PRKCB: variants seen among roughly 807,000 people sequenced by gnomAD.
The protein encoded by PRKCB is protein kinase C beta type.
PRKCB carries 13 observed loss-of-function variants against 81.5 expected under a neutral mutation model. The ratio of observed to expected loss-of-function variants is 0.16; its 90% CI spans 0.10 to 0.25. The LOEUF is 0.25. PRKCB is among the 10% of genes least tolerant of loss of function. The pLI, the probability that PRKCB is intolerant of heterozygous loss-of-function variation, is 1.00. For missense variants in PRKCB, 509 were observed against 875.7 expected (o/e 0.58, Z 5.29); for synonymous variants, 335 against 321.4 (o/e 1.04, Z -0.45).
intron 16 of PRKCB, among the ~76,000 whole-genome samples, chr16:24,203,487 C>T (rs1347903344): frequency 6.6e-6 from 1 of 152,116 alleles, no homozygotes; most frequent in Non-Finnish European, 1.5e-5. Flanking sequence ...GTTCCCACCT[C>T]TCAACACTGT....
At chr16:24,064,044 A>C (rs1309711640) in intron 5 of PRKCB, among the ~76,000 whole-genome samples, 1 of 152,106 alleles carries the variant, frequency 6.6e-6, no homozygotes, top group Non-Finnish European at 1.5e-5. Flanking sequence ...CTCCCAGTCC[A>C]TTTGTTTCTA....
chr16:24,211,779 C>T (rs760932058), intron 16 of PRKCB, among the ~76,000 whole-genome samples: 15 of 151,984 alleles, frequency 9.9e-5, no homozygotes, highest in Non-Finnish European at 2.9e-5. Context: ...AGGCTGGTCT[C>T]GAACTCTTGA....
At chr16:24,115,877 C>A (rs1352667071) in intron 8 of PRKCB, among the ~76,000 whole-genome samples, 1 of 152,112 alleles carries the variant, frequency 6.6e-6, no homozygotes, top group Non-Finnish European at 1.5e-5. Context: ...AGGTGCCCAC[C>A]ACCACGCCTG....
chr16:24,220,028 C>A lies in PRKCB; in HGVS notation c.*5212C>A. 2 of 1,614,204 alleles carry A rather than the reference C, an allele frequency of 1.2e-6. No individual in the cohort carries two copies. Among genetic ancestry groups the A allele is most frequent in the Non-Finnish European group, 1.7e-6 (2 of 1,180,020 alleles). ...AGACAGCCTGTGGAACTGACCCCCA[C>A]TGATAAACTCTTCATCATGAACTTG... is the stretch of plus-strand genomic sequence containing the variant. On this transcript the variant is annotated 3_prime_UTR_variant, in exon 17 of 17. Transcript: ENST00000643927.
At chr16:23,891,040 G>GTATATA (rs60980013) in intron 2 of PRKCB, among the ~76,000 whole-genome samples, 11 of 145,676 alleles carry the variant, frequency 7.6e-5, no homozygotes, top group African/African-American at 2.8e-4. Flanking sequence ...TAATGTGTGT[G>GTATATA]TATATATATA....
At chr16:24,053,767 G>T (rs949763822) in intron 5 of PRKCB, among the ~76,000 whole-genome samples, 3 of 152,134 alleles carry the variant, frequency 2.0e-5, no homozygotes, top group Non-Finnish European at 4.4e-5. Flanking sequence ...TGTGGCATGA[G>T]CATGTTCGGT....
chr16:24,219,477 G>A lies in PRKCB; in HGVS notation c.*4661G>A, dbSNP rs1334713106. ...CTCCACATGGCCATTCTGCCTTCTT[G>A]GGGGCAGAGTAGATGGGCAGCAGTT... On this transcript the variant is annotated 3_prime_UTR_variant, in exon 17 of 17. Coordinates refer to ENST00000643927, the MANE Select transcript of PRKCB (RefSeq NM_002738.7). 12 of 986,594 alleles carry A rather than the reference G, an allele frequency of 1.2e-5. No individual in the cohort carries two copies. Among genetic ancestry groups the A allele is most frequent in the African/African-American group, 1.7e-5 (1 of 57,290 alleles). 61.1% of individuals were successfully genotyped at this position (986,594 alleles called of 1,614,324 possible). A position where few individuals can be genotyped will look rare whatever the true frequency, so the allele number is the denominator to read the frequency against.
intron 9 of PRKCB, among the ~76,000 whole-genome samples, chr16:24,148,363 T>C (rs548545873): frequency 6.6e-6 from 1 of 152,284 alleles, no homozygotes; most frequent in East Asian, 1.9e-4. Flanking sequence ...TGATGTTAGG[T>C]AGTTATTTGT....
rs139011317 is a variant in PRKCB at position 24,127,027 on chromosome 16, C to T, written c.1065+3046C>T. Among the ~76,000 whole-genome samples the T allele has an allele frequency of 8.4e-3, 922 of 109,174 alleles. 15 individuals carry two copies. The highest frequency in any genetic ancestry group is 0.03 in the African/African-American group (859 of 28,226). The allele number at this position is 109,174 out of a possible 152,430, so 71.6% of individuals were successfully genotyped here. A position where few individuals can be genotyped will look rare whatever the true frequency, so the allele number is the denominator to read the frequency against. On this transcript the variant is annotated intron_variant, in intron 9 of 16. Coordinates refer to ENST00000643927, the MANE Select transcript of PRKCB (RefSeq NM_002738.7). ...TCCTTTTTTTTTTTTTTTTTTGAGA[C>T]GGTGTTTCTCTCTTGTTGCCCAGGC...
chr16:23,922,394 A>T (rs1963838185), intron 2 of PRKCB, among the ~76,000 whole-genome samples: 1 of 152,260 alleles, frequency 6.6e-6, no homozygotes, highest in Non-Finnish European at 1.5e-5. Context: ...TCTGGATTTC[A>T]TGCAAAATTT....
At chr16:23,907,698 C>T (rs1238092081) in intron 2 of PRKCB, among the ~76,000 whole-genome samples, 2 of 152,168 alleles carry the variant, frequency 1.3e-5, no homozygotes, top group African/African-American at 4.8e-5. Flanking sequence ...CCAGAACACC[C>T]AGATTTCTGG....
chr16:23,943,519 A>ACT (rs141537372), intron 2 of PRKCB, among the ~76,000 whole-genome samples: 1,624 of 149,250 alleles, frequency 0.011, 36 homozygotes, highest in Admixed American at 0.06. Context: ...ATAGAGTGAG[A>ACT]CTCTCTCTCT....
intron 2 of PRKCB, among the ~76,000 whole-genome samples, chr16:23,961,471 A>G (rs966579764): frequency 2.0e-4 from 31 of 152,232 alleles, no homozygotes; most frequent in African/African-American, 7.5e-4. Context: ...TGAGGCAACA[A>G]CAACTTGCAG....
At chr16:24,005,627 T>C (rs1190250950) in intron 3 of PRKCB, among the ~76,000 whole-genome samples, 1 of 152,220 alleles carries the variant, frequency 6.6e-6, no homozygotes, top group Non-Finnish European at 1.5e-5. Context: ...CAGGTGCTTC[T>C]AATAAGATTC....
intron 7 of PRKCB, among the ~76,000 whole-genome samples, chr16:24,102,873 C>G: frequency 6.6e-6 from 1 of 152,144 alleles, no homozygotes. Context: ...TGACTCTGCT[C>G]TTTAAAAATA....
At chr16:23,863,220 ATATATATGTG>A (rs1567293444) in intron 2 of PRKCB, among the ~76,000 whole-genome samples, 37 of 54,870 alleles carry the variant, frequency 6.7e-4, no homozygotes, top group East Asian at 4.7e-3. Context: ...ATATACATAC[ATATATATGTG>A]TATATATATA....
chr16:24,015,056 C>T (rs1965259711), intron 3 of PRKCB, among the ~76,000 whole-genome samples: 2 of 152,168 alleles, frequency 1.3e-5, no homozygotes, highest in South Asian at 2.1e-4. Flanking sequence ...CCGCCTTGGC[C>T]TCCCAAAATG....
At chr16:23,895,188 A>G (rs545522856) in intron 2 of PRKCB, among the ~76,000 whole-genome samples, 9 of 152,200 alleles carry the variant, frequency 5.9e-5, no homozygotes, top group African/African-American at 2.2e-4. Context: ...TTAGCATAAA[A>G]CTATATATAT....
At chr16:23,846,420 G>A (rs903490629) in intron 2 of PRKCB, among the ~76,000 whole-genome samples, 2 of 151,794 alleles carry the variant, frequency 1.3e-5, no homozygotes, top group Admixed American at 6.6e-5. Context: ...GACCAGCCTG[G>A]CCAACATGGT....
Sources: gnomAD v4.1 joint callset for allele counts (sites outside exome capture counted in the v4.1 genomes callset) on GRCh38, gnomAD v4.1.1 for gene constraint, MANE v1.5 for transcripts, NCBI Gene and HGNC (gene_info 2026-07-23, HGNC 2026-07-21) for gene names.